TSC22D1: variants seen among roughly 807,000 people sequenced by gnomAD.
TSC22D1 encodes TSC22 domain family member 1.
TSC22D1 carries 9 observed loss-of-function variants against 74.2 expected under a neutral mutation model. The observed-to-expected ratio is 0.12, with a 90% CI of 0.07 to 0.21. TSC22D1 has a LOEUF of 0.21. Among genes scored for constraint, TSC22D1 ranks in the 10% least tolerant of loss-of-function variants. TSC22D1 has a pLI of 1.00. For synonymous variants in TSC22D1, 586 were observed against 492.5 expected (o/e 1.19, Z -2.51); for missense variants, 1,427 against 1,304.7 (o/e 1.09, Z -1.44).
At chr13:44,447,838 T>C (rs1031930455) in intron 1 of TSC22D1, among the ~76,000 whole-genome samples, 184 of 149,126 alleles carry the variant, frequency 1.2e-3, no homozygotes, top group African/African-American at 4.2e-3. Flanking sequence ...CTTTTCTTTT[T>C]TTTTTTTTTT....
chr13:44,465,744 G>A (rs897884942), intron 1 of TSC22D1, among the ~76,000 whole-genome samples: 2 of 152,218 alleles, frequency 1.3e-5, no homozygotes, highest in Non-Finnish European at 2.9e-5. Flanking sequence ...AGGCCGAGGC[G>A]AGTGGATCAC....
At chr13:44,494,334 C>CCACGG (rs1878860659) in intron 1 of TSC22D1, among the ~76,000 whole-genome samples, 1 of 133,654 alleles carries the variant, frequency 7.5e-6, no homozygotes, top group Admixed American at 8.7e-5. Flanking sequence ...CGAGATCACA[C>CCACGG]CACGGCACTC....
intron 1 of TSC22D1, among the ~76,000 whole-genome samples, chr13:44,561,396 G>A (rs965240957): frequency 2.0e-5 from 3 of 152,020 alleles, no homozygotes; most frequent in Admixed American, 1.3e-4. Context: ...CCACTGCATG[G>A]TACAAAAACA....
At chr13:44,553,532 G>C (rs771014671) in intron 1 of TSC22D1, among the ~76,000 whole-genome samples, 1 of 152,142 alleles carries the variant, frequency 6.6e-6, no homozygotes. Flanking sequence ...ATATGGGACT[G>C]AGCATGGAAG....
At chr13:44,444,633 A>C (rs577485962) in intron 1 of TSC22D1, among the ~76,000 whole-genome samples, 1 of 152,256 alleles carries the variant, frequency 6.6e-6, no homozygotes, top group African/African-American at 2.4e-5. Flanking sequence ...ACTACAATGT[A>C]ATTAAATTAG....
chr13:44,441,473 T>A (rs890226987), intron 1 of TSC22D1, among the ~76,000 whole-genome samples: 1 of 152,212 alleles, frequency 6.6e-6, no homozygotes, highest in Non-Finnish European at 1.5e-5. Context: ...TTTTAAAAGT[T>A]AACTTTATTG....
chr13:44,523,788 T>C (rs1880425288), intron 1 of TSC22D1, among the ~76,000 whole-genome samples: 1 of 152,134 alleles, frequency 6.6e-6, no homozygotes, highest in African/African-American at 2.4e-5. Flanking sequence ...ATAATGAAAG[T>C]GAACAGAGAT....
chr13:44,450,341 G>A (rs984565239), intron 1 of TSC22D1, among the ~76,000 whole-genome samples: 1 of 152,204 alleles, frequency 6.6e-6, no homozygotes, highest in African/African-American at 2.4e-5. Flanking sequence ...ACAGGCTGGG[G>A]CCTCACAGGC....
chr13:44,446,298 C>G (rs894468544), intron 1 of TSC22D1, among the ~76,000 whole-genome samples: 1 of 152,132 alleles, frequency 6.6e-6, no homozygotes, highest in Non-Finnish European at 1.5e-5. Context: ...ATGAGACATT[C>G]TAGAGTAGGT....
Position 44,468,921 on chromosome 13 carries a change from A to G in TSC22D1, c.2913-32826T>C, listed in dbSNP as rs980915841. ...CCTAGCAAGTTGCTATGTTTTATCA[A>G]TTCTGCCCTAATAATATCTTAAAGG... On this transcript the variant is annotated intron_variant, in intron 1 of 2. Transcript: ENST00000458659. Among the ~76,000 whole-genome samples the G allele has an allele frequency of 4.5e-4, 59 of 130,444 alleles. 1 individual carries two copies. The highest frequency in any genetic ancestry group is 1.3e-3 in the African/African-American group (52 of 39,412). 85.6% of individuals were successfully genotyped at this position (130,444 alleles called of 152,430 possible). A position where few individuals can be genotyped will look rare whatever the true frequency, so the allele number is the denominator to read the frequency against.
chr13:44,572,419 T>C (rs1331253788), intron 1 of TSC22D1, among the ~76,000 whole-genome samples: 1 of 152,212 alleles, frequency 6.6e-6, no homozygotes, highest in Non-Finnish European at 1.5e-5. Flanking sequence ...TTCACGCCTC[T>C]ATAAATTCAA....
rs759494889 is a variant in TSC22D1, at chr13:44,575,232, T to C, written c.843A>G (p.Ser281=). 14 of 1,613,938 alleles carry C rather than the reference T, an allele frequency of 8.7e-6. No individual in the cohort carries two copies. Among genetic ancestry groups the C allele is most frequent in the South Asian group, 6.6e-5 (6 of 91,090 alleles). The change falls in exon 1 of 3, where the codon TCA becomes TCG. Residue 281 remains serine, a synonymous_variant. Coordinates refer to ENST00000458659, the MANE Select transcript of TSC22D1 (RefSeq NM_183422.4). ...ITPVAPTSAV[S]SSGSPASVMT... Reference sequence around the variant, plus strand: ...TTACAGATGCAGGTGAACCACTGGATGATACAGCAGAAGTTGGTGCAACTG... The same window carrying C: ...TTACAGATGCAGGTGAACCACTGGACGATACAGCAGAAGTTGGTGCAACTG...
rs770236458 is a variant in TSC22D1, at chr13:44,575,961, G to A, written c.114C>T (p.Ala38=). The change falls in exon 1 of 3, where the codon GCC becomes GCT. Residue 38 remains alanine (A), a synonymous_variant. Transcript: ENST00000458659. ...CGGTACCTGCTGCATTGAGAGCAGA[G>A]GCGCTGCCACTACCGCTGCCCCTTC... ...FPRRGSGSGS[A]SALNAAGTGV... is the part of the protein sequence containing the mutation. 5.6e-6 allele frequency: 9 copies of A among 1,607,444 alleles called. No individual in the cohort carries two copies. The highest frequency in any genetic ancestry group is 5.1e-5 in the Admixed American group (3 of 58,948).
intron 2 of TSC22D1, 136 bp from the exon 3 acceptor site, chr13:44,435,019 G>A: frequency 1.4e-6 from 1 of 724,898 alleles, no homozygotes; most frequent in South Asian, 1.7e-5. Context: ...AATGACACTT[G>A]GGGAAATCTG....
At chr13:44,541,009 T>C (rs1215242955) in intron 1 of TSC22D1, among the ~76,000 whole-genome samples, 1 of 152,172 alleles carries the variant, frequency 6.6e-6, no homozygotes, top group Admixed American at 6.5e-5. Context: ...TTCTAGGACA[T>C]GTTATATTTT....
At chr13:44,557,131 G>C (rs1053908281) in intron 1 of TSC22D1, among the ~76,000 whole-genome samples, 2 of 148,184 alleles carry the variant, frequency 1.3e-5, no homozygotes, top group Non-Finnish European at 1.5e-5. Flanking sequence ...CAACAAGGTA[G>C]AAACTCAGTC....
At chr13:44,562,546 T>C (rs1227611834) in intron 1 of TSC22D1, among the ~76,000 whole-genome samples, 1 of 152,156 alleles carries the variant, frequency 6.6e-6, no homozygotes, top group African/African-American at 2.4e-5. Flanking sequence ...TAATTTAAGA[T>C]GTACACCACT....
chr13:44,574,693 T>C lies in TSC22D1; in HGVS notation c.1382A>G (p.Glu461Gly), dbSNP rs777440998. ...TGAACTCCCACTAGTGCTCTCCCTT[T>C]CAGAAGTCACTTCTATCGGATTTTG... is the stretch of plus-strand genomic sequence containing the variant. ...VKQNPIEVTS[E>G]RESTSGSSVS... The change falls in exon 1 of 3, where the codon GAA becomes GGA. Residue 461 changes from glutamate (E) to glycine (G), a missense_variant. Physicochemically the swap from Glu to Gly is moderately conservative, Grantham distance 98. Coordinates refer to ENST00000458659, the MANE Select transcript of TSC22D1 (RefSeq NM_183422.4). 1 of 1,614,168 alleles carries C rather than the reference T, an allele frequency of 6.2e-7. No individual in the cohort carries two copies. Among genetic ancestry groups the C allele is most frequent in the Non-Finnish European group, 8.5e-7 (1 of 1,180,036 alleles).
chr13:44,462,894 G>C (rs1158761585), intron 1 of TSC22D1, among the ~76,000 whole-genome samples: 2 of 152,072 alleles, frequency 1.3e-5, no homozygotes, highest in African/African-American at 4.8e-5. Context: ...TTTAAAAACT[G>C]TTCACTTATT....
Sources: gnomAD v4.1 joint callset for allele counts (sites outside exome capture counted in the v4.1 genomes callset) on GRCh38, gnomAD v4.1.1 for gene constraint, MANE v1.5 for transcripts, NCBI Gene and HGNC (gene_info 2026-07-23, HGNC 2026-07-21) for gene names.